The following INPP4B variants were observed in gnomAD, a reference collection of about 807,000 sequenced individuals.
INPP4B encodes inositol polyphosphate 4-phosphatase type II.
In INPP4B, 55 loss-of-function variants were observed where a neutral mutation model predicts 122.5. The observed-to-expected ratio is 0.45, with a 90% CI of 0.36 to 0.56. The LOEUF (loss-of-function observed/expected upper bound fraction) is 0.56, where lower values mean the gene tolerates loss of function less well. INPP4B is among the 20% of genes least tolerant of loss of function. The pLI is 0.00. For synonymous variants in INPP4B, 403 were observed against 388.7 expected, an observed-to-expected ratio of 1.04 and a Z score of -0.43; for missense variants, 1,000 against 1,097.7, an observed-to-expected ratio of 0.91 and a Z score of 1.26.
intron 1 of INPP4B, among the ~76,000 whole-genome samples, chr4:142,759,873 A>AATTCTGGT (rs1232690416): frequency 1.3e-5 from 2 of 149,750 alleles, no homozygotes; most frequent in African/African-American, 5.0e-5. Flanking sequence ...CCTGTGAAGC[A>AATTCTGGT]ATTCTGGTAC....
chr4:142,030,818 C>T lies in INPP4B; in HGVS notation c.2643-1904G>A, dbSNP rs371330593. On this transcript the variant is annotated intron_variant, in intron 25 of 25. Transcript: ENST00000262992. ...ATAAAAATGATTTATTGAAATGGCACAATCTTTAAAATGAGTGAGACATCT... is the reference window on the plus strand; with the variant it reads ...ATAAAAATGATTTATTGAAATGGCATAATCTTTAAAATGAGTGAGACATCT... 2.6e-5 allele frequency among the ~76,000 whole-genome samples: 4 copies of T among 152,222 alleles called. No homozygotes were observed. In the East Asian group the frequency reaches 7.7e-4, roughly 29 times the overall value.
intron 15 of INPP4B, among the ~76,000 whole-genome samples, chr4:142,174,734 C>T (rs1297860563): frequency 1.3e-5 from 2 of 152,008 alleles, no homozygotes; most frequent in Non-Finnish European, 2.9e-5. Context: ...CAATGATCCT[C>T]CCGCCTCAGC....
At chr4:142,116,576 G>T (rs191274626) in intron 21 of INPP4B, among the ~76,000 whole-genome samples, 2 of 152,108 alleles carry the variant, frequency 1.3e-5, no homozygotes, top group Non-Finnish European at 2.9e-5. Context: ...GGTACATAAC[G>T]AAATGAAAGC....
At chr4:142,528,705 T>C (rs1035384516) in intron 2 of INPP4B, among the ~76,000 whole-genome samples, 12 of 152,074 alleles carry the variant, frequency 7.9e-5, no homozygotes, top group African/African-American at 2.7e-4. Flanking sequence ...CCTCCCACAA[T>C]AGTCATCTCT....
intron 15 of INPP4B, among the ~76,000 whole-genome samples, chr4:142,183,762 CG>C (rs1238937746): frequency 4.6e-5 from 7 of 152,090 alleles, no homozygotes; most frequent in African/African-American, 1.4e-4. Flanking sequence ...AAAGGAGAAA[CG>C]TAACTTCTAA....
chr4:142,585,488 A>G (rs1221901287), intron 2 of INPP4B, among the ~76,000 whole-genome samples: 1 of 152,018 alleles, frequency 6.6e-6, no homozygotes, highest in African/African-American at 2.4e-5. Context: ...CAGCCCACAC[A>G]AACTCTCTCT....
At chr4:142,287,395 G>T (rs892888658) in intron 9 of INPP4B, 1 of 152,106 alleles carries the variant, frequency 6.6e-6, no homozygotes, top group Non-Finnish European at 1.5e-5. Context: ...CATAAGCGTC[G>T]GCTGTTCAGA....
intron 3 of INPP4B, among the ~76,000 whole-genome samples, chr4:142,434,090 A>G (rs1242177529): frequency 2.0e-5 from 3 of 152,230 alleles, no homozygotes; most frequent in African/African-American, 7.2e-5. Context: ...AATCATCTAT[A>G]GAGACCGAGA....
At chr4:142,235,569 C>T (rs1472238839) in intron 12 of INPP4B, among the ~76,000 whole-genome samples, 1 of 151,962 alleles carries the variant, frequency 6.6e-6, no homozygotes, top group Non-Finnish European at 1.5e-5. Flanking sequence ...CTACAGTCGC[C>T]CACCACCACG....
chr4:142,050,570 A>AAG (rs1720193811), intron 25 of INPP4B, among the ~76,000 whole-genome samples: 1 of 152,160 alleles, frequency 6.6e-6, no homozygotes, highest in Admixed American at 6.6e-5. Context: ...ACAGGCTTAT[A>AAG]ATGTAGTGCT....
At position 142,121,581 on chromosome 4, in the gene INPP4B, G is replaced by A. The variant is rs554864081; in HGVS notation, c.2135+547C>T. On this transcript the variant is annotated intron_variant, in intron 21 of 25. Coordinates refer to ENST00000262992, the MANE Select transcript of INPP4B (RefSeq NM_001101669.3). ...ACCATCATTTTTCTTAATTATTTCT[G>A]ACATTTTGCCTATCATACACTGACC... is the stretch of plus-strand genomic sequence containing the variant. 6.6e-5 allele frequency among the ~76,000 whole-genome samples: 10 copies of A among 152,046 alleles called. No individual in the cohort carries two copies. The South Asian group carries it at 2.1e-3, about 32-fold the overall frequency.
rs186640890 is a variant in INPP4B at position 142,174,783 on chromosome 4, C to A, written c.1182-974G>T. On this transcript the variant is annotated intron_variant, in intron 15 of 25. Transcript: ENST00000262992. ...GGGACTACAGGTACAAGCCATCACA[C>A]CTGATTAAATTAAAAAAAAATTTTT... 3.3e-5 allele frequency among the ~76,000 whole-genome samples: 5 copies of A among 152,052 alleles called. No individual in the cohort carries two copies. In the East Asian group the frequency reaches 9.7e-4, roughly 29 times the overall value.
intron 1 of INPP4B, among the ~76,000 whole-genome samples, chr4:142,829,595 T>G (rs1271979806): frequency 6.6e-6 from 1 of 152,076 alleles, no homozygotes; most frequent in Admixed American, 6.5e-5. Context: ...GACAGAGCAC[T>G]CCAAAGAAAT....
chr4:142,063,999 C>CTACA (rs1159168261), intron 25 of INPP4B, among the ~76,000 whole-genome samples: 1 of 152,102 alleles, frequency 6.6e-6, no homozygotes, highest in East Asian at 1.9e-4. Flanking sequence ...TTATAACTGA[C>CTACA]TACATGAATA....
In INPP4B at chr4:142,253,539, C is replaced by T. The variant is rs533861089; in HGVS notation, c.688+6953G>A. Among the ~76,000 whole-genome samples the T allele has an allele frequency of 5.4e-4, 82 of 152,276 alleles. 1 individual carries two copies. Among genetic ancestry groups the T allele is most frequent in the Non-Finnish European group, 6.5e-4 (44 of 68,028 alleles). On this transcript the variant is annotated intron_variant, in intron 11 of 25. Coordinates refer to ENST00000262992, the MANE Select transcript of INPP4B (RefSeq NM_001101669.3). Reference sequence around the variant, plus strand: ...AAGCAGGGCGAGGCATTGCCTCACTCGGGAAGTGCAAGGGGTCAGGGAGTT... The same window carrying T: ...AAGCAGGGCGAGGCATTGCCTCACTTGGGAAGTGCAAGGGGTCAGGGAGTT...
At position 142,657,142 on chromosome 4, in the gene INPP4B, C is replaced by G. The variant is rs1754309467; in HGVS notation, c.-191+68697G>C. 2.0e-5 allele frequency among the ~76,000 whole-genome samples: 3 copies of G among 152,066 alleles called. No individual in the cohort carries two copies. The South Asian group carries it at 6.2e-4, about 32-fold the overall frequency. Reference sequence around the variant, plus strand: ...TCTGTGTGTGTACTGTGTGTGATATCTGTAAAAAGAGCTCTAATTAATTTG... The same window carrying G: ...TCTGTGTGTGTACTGTGTGTGATATGTGTAAAAAGAGCTCTAATTAATTTG... On this transcript the variant is annotated intron_variant, in intron 2 of 25. Transcript: ENST00000262992.
intron 2 of INPP4B, among the ~76,000 whole-genome samples, chr4:142,663,381 T>C (rs994491326): frequency 1.3e-5 from 2 of 152,164 alleles, no homozygotes; most frequent in African/African-American, 4.8e-5. Flanking sequence ...ATTTCATTTA[T>C]CTTTAAGATT....
intron 23 of INPP4B, chr4:142,096,208 T>C (rs908116760): frequency 6.6e-6 from 1 of 152,008 alleles, no homozygotes; most frequent in Non-Finnish European, 1.5e-5. Context: ...AATGCAAGAG[T>C]TAGACATTCA....
At chr4:142,583,740 A>G (rs1161631220) in intron 2 of INPP4B, 1 of 152,162 alleles carries the variant, frequency 6.6e-6, no homozygotes, top group East Asian at 1.9e-4. Flanking sequence ...ACATGTGTAG[A>G]GTGGAATCAA....
Sources: allele counts gnomAD v4.1 joint callset (sites outside exome capture counted in the v4.1 genomes callset), GRCh38; gene constraint gnomAD v4.1.1; transcripts MANE v1.5; gene names NCBI Gene and HGNC (gene_info 2026-07-23, HGNC 2026-07-21).